NRXN3: variants seen among roughly 807,000 people sequenced by gnomAD.
NRXN3 encodes the protein neurexin 3.
NRXN3 carries 32 observed loss-of-function variants against 137.6 expected under a neutral mutation model. The observed-to-expected ratio is 0.23, with a 90% CI of 0.18 to 0.31. The LOEUF (loss-of-function observed/expected upper bound fraction) is 0.31. NRXN3 is among the 10% of genes least tolerant of loss of function. The probability of loss-of-function intolerance (pLI) is 1.00; values close to 1 mark genes in which losing one functional copy is unlikely to be tolerated. For synonymous variants in NRXN3, 798 were observed against 784.5 expected (o/e 1.02, Z -0.29); for missense variants, 1,574 against 2,062.5 (o/e 0.76, Z 4.59).
In NRXN3 at chr14:78,588,844, A is replaced by G. The variant is rs150919673; in HGVS notation, c.758-56276A>G. Among the ~76,000 whole-genome samples the G allele has an allele frequency of 7.9e-5, 12 of 152,318 alleles. No homozygotes were observed. In the East Asian group the frequency reaches 9.6e-4, roughly 12 times the overall value. On this transcript the variant is annotated intron_variant, in intron 4 of 20. Transcript: ENST00000335750. Reference sequence around the variant, plus strand: ...TTGAGACTGTGCTGTATTTTCTGTCATGCTTCAGAGTGTATCAAATCAACA... The same window carrying G: ...TTGAGACTGTGCTGTATTTTCTGTCGTGCTTCAGAGTGTATCAAATCAACA...
rs554458489 is a variant in NRXN3 at position 79,252,828 on chromosome 14, C to T, written c.3263-214393C>T. On this transcript the variant is annotated intron_variant, in intron 15 of 20. Transcript: ENST00000335750. ...CCCTCTGTTTTGTAAAGATGAGCCTCCTCCCTTTCTTAGAACATTTGGAGA... is the reference window on the plus strand; with the variant it reads ...CCCTCTGTTTTGTAAAGATGAGCCTTCTCCCTTTCTTAGAACATTTGGAGA... 2.0e-5 allele frequency among the ~76,000 whole-genome samples: 3 copies of T among 152,262 alleles called. No individual in the cohort carries two copies. In the East Asian group the frequency reaches 5.8e-4, roughly 29 times the overall value.
chr14:79,314,893 T>C (rs1430223602), intron 15 of NRXN3, among the ~76,000 whole-genome samples: 1 of 151,762 alleles, frequency 6.6e-6, no homozygotes, highest in Non-Finnish European at 1.5e-5. Flanking sequence ...AGAAAGGACA[T>C]CTACACTGAA....
chr14:79,243,352 G>C (rs900948316), intron 15 of NRXN3, among the ~76,000 whole-genome samples: 1 of 152,158 alleles, frequency 6.6e-6, no homozygotes, highest in South Asian at 2.1e-4. Context: ...TTTGGGAGGA[G>C]GTCAAGGCTT....
chr14:78,310,193 A>G (rs1276970149), intron 4 of NRXN3, among the ~76,000 whole-genome samples: 1 of 151,412 alleles, frequency 6.6e-6, no homozygotes, highest in African/African-American at 2.4e-5. Context: ...GCAGGTCAAC[A>G]GTCATCATGG....
chr14:79,604,483 C>T (rs2097973191), intron 16 of NRXN3, among the ~76,000 whole-genome samples: 1 of 151,584 alleles, frequency 6.6e-6, no homozygotes, highest in Admixed American at 6.6e-5. Context: ...GATCCACCCG[C>T]CTTGGCCTCC....
chr14:79,811,504 T>C (rs1451515577), intron 20 of NRXN3, among the ~76,000 whole-genome samples: 1 of 152,096 alleles, frequency 6.6e-6, no homozygotes, highest in African/African-American at 2.4e-5. Flanking sequence ...GGGAGTATAA[T>C]GTTCCAGATT....
At chr14:79,851,766 A>C (rs1010455071) in intron 20 of NRXN3, among the ~76,000 whole-genome samples, 2 of 152,024 alleles carry the variant, frequency 1.3e-5, no homozygotes, top group African/African-American at 4.8e-5. Context: ...ATTTCTAAAA[A>C]TTCCTTCCCT....
intron 8 of NRXN3, among the ~76,000 whole-genome samples, chr14:78,779,111 T>C (rs537371058): frequency 6.6e-6 from 1 of 152,038 alleles, no homozygotes; most frequent in African/African-American, 2.4e-5. Context: ...GTATTACATA[T>C]AGGCTTCTAA....
At chr14:79,860,341 A>G (rs1164012248) in intron 20 of NRXN3, among the ~76,000 whole-genome samples, 1 of 152,248 alleles carries the variant, frequency 6.6e-6, no homozygotes, top group Admixed American at 6.5e-5. Flanking sequence ...AATGCATACA[A>G]ATATTAGACT....
chr14:79,160,520 G>A (rs543599148), intron 15 of NRXN3, among the ~76,000 whole-genome samples: 1 of 152,044 alleles, frequency 6.6e-6, no homozygotes, highest in South Asian at 2.1e-4. Context: ...AAAGCATAAA[G>A]CAAAATCCTT....
At chr14:79,274,718 C>T (rs1451563642) in intron 15 of NRXN3, among the ~76,000 whole-genome samples, 1 of 151,882 alleles carries the variant, frequency 6.6e-6, no homozygotes, top group African/African-American at 2.4e-5. Flanking sequence ...TTTTTTTAAT[C>T]CTTAAAGTAA....
intron 4 of NRXN3, among the ~76,000 whole-genome samples, chr14:78,630,594 TTTC>T (rs1460504875): frequency 2.1e-4 from 27 of 129,212 alleles, no homozygotes; most frequent in South Asian, 5.1e-4. Flanking sequence ...TCTTTCTTTC[TTTC>T]TTTTTTTTTT....
chr14:79,034,887 A>C (rs1222773900), intron 15 of NRXN3, among the ~76,000 whole-genome samples: 1 of 152,168 alleles, frequency 6.6e-6, no homozygotes, highest in African/African-American at 2.4e-5. Context: ...GATGTAAACT[A>C]TTCTTAAATG....
At chr14:79,257,152 T>C (rs1163507415) in intron 15 of NRXN3, among the ~76,000 whole-genome samples, 2 of 151,972 alleles carry the variant, frequency 1.3e-5, no homozygotes, top group Non-Finnish European at 2.9e-5. Context: ...TGCTTAAACC[T>C]CTCTTTGAAG....
At chr14:78,569,469 GTT>G (rs1476718105) in intron 4 of NRXN3, among the ~76,000 whole-genome samples, 2 of 151,702 alleles carry the variant, frequency 1.3e-5, no homozygotes, top group African/African-American at 4.9e-5. Flanking sequence ...GTTTCACCAT[GTT>G]AGCAAGGGTG....
chr14:79,178,105 GC>G (rs1283537748), intron 15 of NRXN3, among the ~76,000 whole-genome samples: 1 of 152,182 alleles, frequency 6.6e-6, no homozygotes, highest in Non-Finnish European at 1.5e-5. Flanking sequence ...CACTGGGTGG[GC>G]TGGAGCTAGC....
At chr14:79,528,915 T>G (rs1425596907) in intron 16 of NRXN3, among the ~76,000 whole-genome samples, 1 of 152,180 alleles carries the variant, frequency 6.6e-6, no homozygotes, top group Non-Finnish European at 1.5e-5. Flanking sequence ...TCATCTCTCA[T>G]TAATGATCAC....
rs188562789 is a variant in NRXN3 at position 79,207,630 on chromosome 14, T to C, written c.3262+219489T>C. The stretch of plus-strand genomic sequence containing the variant: ...GGGAAATTGCCACCGGAATGTACCC[T>C]CTCTACTTCCCTAACTCCTCTCTTT... On this transcript the variant is annotated intron_variant, in intron 15 of 20. Coordinates refer to ENST00000335750, the MANE Select transcript of NRXN3 (RefSeq NM_001330195.2). 5.7e-3 allele frequency among the ~76,000 whole-genome samples: 864 copies of C among 152,252 alleles called. 6 individuals are homozygous for C. The highest frequency in any genetic ancestry group is 0.019 in the African/African-American group (799 of 41,556).
chr14:79,841,816 A>AT (rs2099356456), intron 20 of NRXN3, among the ~76,000 whole-genome samples: 1 of 152,168 alleles, frequency 6.6e-6, no homozygotes, highest in South Asian at 2.1e-4. Context: ...ATAGTGATGT[A>AT]TTTTTTCAGA....
Sources: allele counts gnomAD v4.1 joint callset (sites outside exome capture counted in the v4.1 genomes callset), GRCh38; gene constraint gnomAD v4.1.1; transcripts MANE v1.5; gene names NCBI Gene and HGNC (gene_info 2026-07-23, HGNC 2026-07-21).